CRPPA: variants seen among roughly 807,000 people sequenced by gnomAD.
The protein encoded by CRPPA is D-ribitol-5-phosphate cytidylyltransferase.
CRPPA carries 43 observed loss-of-function variants against 52.0 expected under a neutral mutation model. The observed-to-expected ratio is 0.83, with a 90% CI of 0.65 to 1.07. CRPPA has a LOEUF of 1.07. CRPPA is among the 50% of genes least tolerant of loss of function. The pLI, the probability that CRPPA is intolerant of heterozygous loss-of-function variation, is 0.00. For missense variants in CRPPA, 629 were observed against 551.7 expected, an observed-to-expected ratio of 1.14 and a Z score of -1.40; for synonymous variants, 250 against 203.5, an observed-to-expected ratio of 1.23 and a Z score of -1.94.
chr7:16,416,929 A>G (rs1279943504), intron 1 of CRPPA, among the ~76,000 whole-genome samples: 2 of 152,200 alleles, frequency 1.3e-5, no homozygotes. Context: ...AATATCCAGA[A>G]TCTATAAGGA....
chr7:16,208,536 C>G (rs1301266265), intron 9 of CRPPA, among the ~76,000 whole-genome samples: 1 of 152,118 alleles, frequency 6.6e-6, no homozygotes, highest in Admixed American at 6.5e-5. Flanking sequence ...ATGGAACCTC[C>G]CTTTATGACA....
intron 9 of CRPPA, among the ~76,000 whole-genome samples, chr7:16,092,246 A>T (rs562712296): frequency 6.6e-6 from 1 of 152,318 alleles, no homozygotes; most frequent in South Asian, 2.1e-4. Context: ...AAGAATCGGG[A>T]AAATTCAAGA....
At chr7:16,294,281 C>T (rs1583498042) in intron 5 of CRPPA, among the ~76,000 whole-genome samples, 1 of 151,852 alleles carries the variant, frequency 6.6e-6, no homozygotes, top group South Asian at 2.1e-4. Context: ...CAGTGGCTGG[C>T]TTTTGTCTGA....
intron 9 of CRPPA, among the ~76,000 whole-genome samples, chr7:16,144,692 T>C (rs776734254): frequency 6.6e-6 from 1 of 152,134 alleles, no homozygotes; most frequent in Non-Finnish European, 1.5e-5. Context: ...CCCCACAAAT[T>C]GTGTTTGCTC....
intron 8 of CRPPA, among the ~76,000 whole-genome samples, chr7:16,245,589 C>T (rs192677028): frequency 5.9e-4 from 90 of 152,286 alleles, no homozygotes; most frequent in African/African-American, 1.9e-3. Flanking sequence ...AGATTCTAGA[C>T]ATAATCTAGT....
intron 2 of CRPPA, among the ~76,000 whole-genome samples, chr7:16,388,340 T>C (rs1436654013): frequency 6.6e-6 from 1 of 151,946 alleles, no homozygotes; most frequent in Non-Finnish European, 1.5e-5. Flanking sequence ...CTAGCAAACT[T>C]GAAAATACTT....
At chr7:16,193,598 A>G (rs536201711) in intron 9 of CRPPA, among the ~76,000 whole-genome samples, 1 of 152,236 alleles carries the variant, frequency 6.6e-6, no homozygotes, top group East Asian at 1.9e-4. Flanking sequence ...TGCTCATATA[A>G]GCTTGGGAAG....
intron 8 of CRPPA, among the ~76,000 whole-genome samples, chr7:16,246,989 C>T (rs769790404): frequency 6.6e-6 from 1 of 152,204 alleles, no homozygotes; most frequent in Non-Finnish European, 1.5e-5. Flanking sequence ...CCATAAAAGC[C>T]CTACCTGGCA....
chr7:16,416,416 G>A (rs7810822), intron 1 of CRPPA, among the ~76,000 whole-genome samples: 2 of 151,964 alleles, frequency 1.3e-5, no homozygotes, highest in Admixed American at 6.5e-5. Flanking sequence ...TATAAGAATC[G>A]TAGAAGAAAA....
intron 3 of CRPPA, among the ~76,000 whole-genome samples, chr7:16,311,761 G>C (rs1284366215): frequency 6.6e-6 from 1 of 152,026 alleles, no homozygotes; most frequent in Non-Finnish European, 1.5e-5. Context: ...TTTACATTTA[G>C]GTCTGATCCA....
intron 9 of CRPPA, among the ~76,000 whole-genome samples, chr7:16,096,131 T>C (rs1057106701): frequency 2.0e-5 from 3 of 152,134 alleles, no homozygotes; most frequent in Non-Finnish European, 4.4e-5. Context: ...CAGGATCAAA[T>C]TGATTCAGCA....
At chr7:16,324,044 C>T (rs947970276) in intron 3 of CRPPA, among the ~76,000 whole-genome samples, 6 of 152,138 alleles carry the variant, frequency 3.9e-5, no homozygotes, top group South Asian at 2.1e-4. Flanking sequence ...CATGCACTGG[C>T]GACGTTCTAT....
intron 9 of CRPPA, among the ~76,000 whole-genome samples, chr7:16,144,600 T>C (rs933827334): frequency 6.6e-6 from 1 of 152,218 alleles, no homozygotes; most frequent in Non-Finnish European, 1.5e-5. Flanking sequence ...GCTTGTTTAC[T>C]CAAGTTGTCC....
At chr7:16,275,313 G>C (rs1422807014) in intron 6 of CRPPA, among the ~76,000 whole-genome samples, 1 of 152,064 alleles carries the variant, frequency 6.6e-6, no homozygotes, top group Non-Finnish European at 1.5e-5. Context: ...CCACATGAAC[G>C]TTCTCTGCTA....
intron 2 of CRPPA, among the ~76,000 whole-genome samples, chr7:16,393,348 G>C (rs1331564335): frequency 6.6e-6 from 1 of 152,148 alleles, no homozygotes; most frequent in Non-Finnish European, 1.5e-5. Context: ...AGTATGAAAA[G>C]TTATTAGAGA....
intron 2 of CRPPA, among the ~76,000 whole-genome samples, chr7:16,380,677 T>A (rs931298663): frequency 5.9e-5 from 9 of 152,356 alleles, no homozygotes; most frequent in Middle Eastern, 3.4e-3. Flanking sequence ...AGCCTGTTAT[T>A]GGTCTACTCA....
chr7:16,217,434 G>A (rs1450907465), intron 8 of CRPPA, among the ~76,000 whole-genome samples: 2 of 148,028 alleles, frequency 1.4e-5, no homozygotes, highest in African/African-American at 4.9e-5. Context: ...GAACAAAGCT[G>A]GATGGAGAAT....
At chr7:16,199,009 G>T (rs1294040870) in intron 9 of CRPPA, among the ~76,000 whole-genome samples, 2 of 152,044 alleles carry the variant, frequency 1.3e-5, no homozygotes, top group Non-Finnish European at 2.9e-5. Context: ...TAACTTCTTT[G>T]ATTACCAGCT....
chr7:16,113,357 AT>A (rs1431954739), intron 9 of CRPPA, among the ~76,000 whole-genome samples: 1 of 152,148 alleles, frequency 6.6e-6, no homozygotes, highest in Non-Finnish European at 1.5e-5. Context: ...TCAAATATAT[AT>A]TTAATCAGAA....
Sources: gnomAD v4.1 joint callset for allele counts (sites outside exome capture counted in the v4.1 genomes callset) on GRCh38, gnomAD v4.1.1 for gene constraint, MANE v1.5 for transcripts, NCBI Gene and HGNC (gene_info 2026-07-23, HGNC 2026-07-21) for gene names.